The following DRC8 variants were observed in gnomAD, a reference collection of about 807,000 sequenced individuals.
DRC8 encodes dynein regulatory complex protein 8.
At chr1:245,087,347 T>G in the DRC8 span, 2 of 1,584,256 alleles carry the variant, frequency 1.3e-6, no homozygotes, top group South Asian at 2.4e-5. Context: ...ATGATGGTGA[T>G]AGATGAAAAT....
chr1:245,087,699 T>C, the DRC8 span: 4 of 1,024,734 alleles, frequency 3.9e-6, no homozygotes, highest in African/African-American at 5.2e-5. Context: ...AGGTTTGGCA[T>C]GTAAAGATCT....
chr1:245,022,712 T>C, the DRC8 span, among the ~76,000 whole-genome samples: 1 of 152,154 alleles, frequency 6.6e-6, no homozygotes, highest in Non-Finnish European at 1.5e-5. Flanking sequence ...CATGTGCATG[T>C]GCGTGTGCGT....
the DRC8 span, chr1:245,083,449 C>T: frequency 2.5e-6 from 4 of 1,613,508 alleles, no homozygotes; most frequent in Non-Finnish European, 2.5e-6. Flanking sequence ...TAGATACAGA[C>T]CAATTCCAGA....
the DRC8 span, among the ~76,000 whole-genome samples, chr1:244,974,416 GT>G: frequency 6.6e-5 from 10 of 152,216 alleles, no homozygotes; most frequent in East Asian, 1.7e-3. Context: ...TACTATTTTT[GT>G]TTCTATTAAA....
At chr1:245,017,470 TCTTTGCTAG>T in the DRC8 span, 1 of 847,234 alleles carries the variant, frequency 1.2e-6, no homozygotes, top group Non-Finnish European at 1.7e-6. Context: ...CCGTAAAAGG[TCTTTGCTAG>T]CTATTGCTTT....
chr1:245,032,698 T>C, the DRC8 span, among the ~76,000 whole-genome samples: 1 of 151,986 alleles, frequency 6.6e-6, no homozygotes, highest in African/African-American at 2.4e-5. Flanking sequence ...TAGCTGGGGG[T>C]ATGTAACTAG....
chr1:244,970,118 G>A, the DRC8 span: 27 of 675,254 alleles, frequency 4.0e-5, no homozygotes, highest in South Asian at 2.6e-4. Context: ...GTGTGATGAA[G>A]CAACATGCTA....
chr1:245,008,946 T>C, the DRC8 span, among the ~76,000 whole-genome samples: 1 of 151,078 alleles, frequency 6.6e-6, no homozygotes, highest in Non-Finnish European at 1.5e-5. Context: ...GCCTGGCCTC[T>C]CAAAGTGCTA....
the DRC8 span, among the ~76,000 whole-genome samples, chr1:245,068,820 A>G: frequency 6.6e-6 from 1 of 152,122 alleles, no homozygotes; most frequent in South Asian, 2.1e-4. Context: ...TAATTATATC[A>G]CAAATTATAT....
the DRC8 span, among the ~76,000 whole-genome samples, chr1:244,979,629 A>G: frequency 6.6e-6 from 1 of 150,894 alleles, no homozygotes; most frequent in African/African-American, 2.4e-5. Flanking sequence ...TTTAGTAGAG[A>G]CGGGGTTTCA....
the DRC8 span, chr1:245,023,072 C>T: frequency 6.6e-6 from 1 of 152,088 alleles, no homozygotes; most frequent in Non-Finnish European, 1.5e-5. Context: ...TTAGCATGGC[C>T]CCTGCACGAG....
chr1:245,062,697 G>GA, the DRC8 span, among the ~76,000 whole-genome samples: 1 of 152,160 alleles, frequency 6.6e-6, no homozygotes, highest in African/African-American at 2.4e-5. Context: ...TTATTGGGGT[G>GA]ACCATCTGCA....
At chr1:245,121,411 T>A in the DRC8 span, among the ~76,000 whole-genome samples, 1 of 152,324 alleles carries the variant, frequency 6.6e-6, no homozygotes, top group East Asian at 1.9e-4. Context: ...AATTCTTGCA[T>A]CTGTTTCTTT....
At chr1:245,110,319 G>A in the DRC8 span, among the ~76,000 whole-genome samples, 7 of 152,228 alleles carry the variant, frequency 4.6e-5, no homozygotes, top group Non-Finnish European at 7.3e-5. Flanking sequence ...AGGAGGTGGA[G>A]GTTGCTGTGA....
the DRC8 span, among the ~76,000 whole-genome samples, chr1:245,054,719 C>G: frequency 6.6e-6 from 1 of 152,156 alleles, no homozygotes; most frequent in African/African-American, 2.4e-5. Context: ...AGCTCTTCTG[C>G]TCCTGTGGCT....
the DRC8 span, among the ~76,000 whole-genome samples, chr1:244,994,985 A>G: frequency 6.6e-6 from 1 of 152,168 alleles, no homozygotes; most frequent in East Asian, 1.9e-4. Flanking sequence ...ACAACTAGCA[A>G]TTCCTGGCTC....
the DRC8 span, among the ~76,000 whole-genome samples, chr1:245,094,863 T>C: frequency 5.0e-3 from 761 of 152,362 alleles, 6 homozygotes; most frequent in African/African-American, 0.018. Flanking sequence ...CCATTACTAA[T>C]GCTTTGCTTC....
the DRC8 span, among the ~76,000 whole-genome samples, chr1:245,061,683 A>G: frequency 6.6e-6 from 1 of 152,286 alleles, no homozygotes; most frequent in East Asian, 1.9e-4. Flanking sequence ...TAGTGAATAC[A>G]TGTAAACACA....
At chr1:245,092,250 C>T in the DRC8 span, among the ~76,000 whole-genome samples, 3 of 152,136 alleles carry the variant, frequency 2.0e-5, no homozygotes, top group South Asian at 6.2e-4. Context: ...ACCAAATGCC[C>T]AAGAGACAAA....
Sources: gnomAD v4.1 joint callset for allele counts (sites outside exome capture counted in the v4.1 genomes callset) on GRCh38, gnomAD v4.1.1 for gene constraint, MANE v1.5 for transcripts, NCBI Gene and HGNC (gene_info 2026-07-23, HGNC 2026-07-21) for gene names.